ANKRD44: variants seen among roughly 807,000 people sequenced by gnomAD.
The protein encoded by ANKRD44 is serine/threonine-protein phosphatase 6 regulatory ankyrin repeat subunit B.
A neutral mutation model predicts 116.0 loss-of-function variants in ANKRD44; 35 were observed. That is an observed-to-expected ratio of 0.30 (90% confidence interval 0.23 to 0.40). ANKRD44 has a LOEUF of 0.40. Among genes scored for constraint, ANKRD44 ranks in the 10% least tolerant of loss-of-function variants. The pLI, the probability that ANKRD44 is intolerant of heterozygous loss-of-function variation, is 1.00. For synonymous variants in ANKRD44, 435 were observed against 461.8 expected (o/e 0.94, Z 0.74); for missense variants, 1,014 against 1,242.6 (o/e 0.82, Z 2.77).
chr2:197,029,352 C>T (rs2076660798), intron 16 of ANKRD44: 1 of 247,188 alleles, frequency 4.0e-6, no homozygotes, highest in Non-Finnish European at 7.9e-6. Flanking sequence ...TTTTTCATGG[C>T]TTCTTTGGGA....
At position 197,043,090 on chromosome 2, in the gene ANKRD44, G is replaced by A. The variant is rs915626547; in HGVS notation, c.1651-17823C>T. On this transcript the variant is annotated intron_variant, in intron 16 of 27. Coordinates refer to ENST00000282272, the MANE Select transcript of ANKRD44 (RefSeq NM_001195144.2). ...TAATTTAGTAATATGTACCACAAACGTCCTCACGATTCTCACCCTAACCAG... is the reference window on the plus strand; with the variant it reads ...TAATTTAGTAATATGTACCACAAACATCCTCACGATTCTCACCCTAACCAG... 4.6e-5 allele frequency among the ~76,000 whole-genome samples: 7 copies of A among 152,266 alleles called. No homozygotes were observed. The East Asian group carries it at 7.7e-4, about 17-fold the overall frequency.
At chr2:197,035,955 C>A (rs1275673306) in intron 16 of ANKRD44, among the ~76,000 whole-genome samples, 1 of 152,032 alleles carries the variant, frequency 6.6e-6, no homozygotes, top group African/African-American at 2.4e-5. Flanking sequence ...CCCAGTGGAC[C>A]CCCAGTCTTT....
chr2:197,248,578 G>A (rs2697289), intron 1 of ANKRD44, among the ~76,000 whole-genome samples: 70,587 of 143,624 alleles, frequency 0.49, 18,498 homozygotes, highest in African/African-American at 0.68. Flanking sequence ...GTGTGTGTGT[G>A]TATATATATA....
chr2:197,224,549 CT>C (rs2081657510), intron 1 of ANKRD44, among the ~76,000 whole-genome samples: 1 of 152,214 alleles, frequency 6.6e-6, no homozygotes. Context: ...AGAGAATTGT[CT>C]TTTTTCCCCT....
intron 1 of ANKRD44, among the ~76,000 whole-genome samples, chr2:197,265,766 C>T (rs1049087825): frequency 1.3e-5 from 2 of 152,062 alleles, no homozygotes; most frequent in Admixed American, 6.5e-5. Flanking sequence ...GTATCACTTT[C>T]CTTTAACACT....
chr2:197,071,960 C>T (rs2077567569), intron 16 of ANKRD44, among the ~76,000 whole-genome samples: 1 of 152,068 alleles, frequency 6.6e-6, no homozygotes, highest in Admixed American at 6.6e-5. Flanking sequence ...CCTGCGGCCT[C>T]AGTGCCAACT....
At chr2:197,300,464 A>G (rs1382069855) in intron 1 of ANKRD44, among the ~76,000 whole-genome samples, 1 of 152,154 alleles carries the variant, frequency 6.6e-6, no homozygotes, top group Admixed American at 6.5e-5. Context: ...GTCCCTAATC[A>G]ATACCCCTAA....
At chr2:197,152,040 A>C (rs917601363) in intron 2 of ANKRD44, among the ~76,000 whole-genome samples, 16 of 152,202 alleles carry the variant, frequency 1.1e-4, no homozygotes, top group Non-Finnish European at 2.4e-4. Flanking sequence ...GGAATCTTGG[A>C]AGCCCTCAAG....
chr2:197,132,577 T>C (rs934232541), intron 4 of ANKRD44, among the ~76,000 whole-genome samples: 11 of 152,218 alleles, frequency 7.2e-5, no homozygotes, highest in Non-Finnish European at 2.9e-5. Flanking sequence ...CTGTGTTATA[T>C]GCAATTGCAA....
At chr2:197,246,350 C>CTTTTT (rs67655796) in intron 1 of ANKRD44, among the ~76,000 whole-genome samples, 27,119 of 65,146 alleles carry the variant, frequency 0.42, 10,498 homozygotes, top group East Asian at 0.78. Flanking sequence ...CTACATCTGG[C>CTTTTT]TTTTTTTTTT....
In ANKRD44 at chr2:197,221,355, G is replaced by T. The variant is rs528292685; in HGVS notation, c.28-34249C>A. ...TGCAGTGGAGTGATCATAGCTAACT[G>T]TAGCCTCAAACTCCTGGACACAAGT... On this transcript the variant is annotated intron_variant, in intron 1 of 27. Coordinates refer to ENST00000282272, the MANE Select transcript of ANKRD44 (RefSeq NM_001195144.2). Among the ~76,000 whole-genome samples, 230 of 151,794 alleles carry T rather than the reference G, an allele frequency of 1.5e-3. 2 individuals are homozygous for T. The highest frequency in any genetic ancestry group is 5.1e-3 in the African/African-American group (211 of 41,348).
intron 1 of ANKRD44, among the ~76,000 whole-genome samples, chr2:197,294,731 T>G (rs1326045366): frequency 6.6e-6 from 1 of 152,236 alleles, no homozygotes; most frequent in Non-Finnish European, 1.5e-5. Context: ...AATTTCCATT[T>G]GTAATACTTG....
intron 1 of ANKRD44, among the ~76,000 whole-genome samples, chr2:197,227,452 T>G (rs2081743978): frequency 6.6e-6 from 1 of 152,192 alleles, no homozygotes; most frequent in African/African-American, 2.4e-5. Context: ...ATTGACAAAC[T>G]AGGGTTTAGT....
intron 9 of ANKRD44, among the ~76,000 whole-genome samples, chr2:197,107,519 T>A (rs1473232364): frequency 1.3e-5 from 2 of 152,118 alleles, no homozygotes; most frequent in Non-Finnish European, 2.9e-5. Context: ...GAGTGGGGTT[T>A]TTTTTTTCAT....
At chr2:197,261,295 T>C (rs1311590655) in intron 1 of ANKRD44, among the ~76,000 whole-genome samples, 1 of 151,962 alleles carries the variant, frequency 6.6e-6, no homozygotes, top group African/African-American at 2.4e-5. Context: ...TTTCTACATA[T>C]GGCTAGCCAG....
At chr2:197,081,548 G>A (rs1165359242) in intron 15 of ANKRD44, 97 bp downstream of exon 15, 10 of 1,095,790 alleles carry the variant, frequency 9.1e-6, no homozygotes, top group Non-Finnish European at 1.2e-5. Flanking sequence ...GATCCCAAGT[G>A]AAACCCCAAA....
At chr2:197,273,516 T>C (rs2082957434) in intron 1 of ANKRD44, among the ~76,000 whole-genome samples, 3 of 152,198 alleles carry the variant, frequency 2.0e-5, no homozygotes, top group Non-Finnish European at 4.4e-5. Flanking sequence ...TGATTAAAGA[T>C]AGCACTTCCC....
intron 16 of ANKRD44, among the ~76,000 whole-genome samples, chr2:197,074,387 C>T (rs1433884997): frequency 1.3e-5 from 1 of 75,142 alleles, no homozygotes; most frequent in Non-Finnish European, 2.8e-5. Flanking sequence ...CTTAGATGAC[C>T]ACCCAGTAGT....
chr2:197,259,684 G>C (rs2082544971), intron 1 of ANKRD44, among the ~76,000 whole-genome samples: 1 of 152,212 alleles, frequency 6.6e-6, no homozygotes, highest in South Asian at 2.1e-4. Context: ...CAGGTGCTGA[G>C]CTTGGCACTA....
Sources: allele counts gnomAD v4.1 joint callset (sites outside exome capture counted in the v4.1 genomes callset), GRCh38; gene constraint gnomAD v4.1.1; transcripts MANE v1.5; gene names NCBI Gene and HGNC (gene_info 2026-07-23, HGNC 2026-07-21).